The following ALDH1A3 variants were observed in gnomAD, a reference collection of about 807,000 sequenced individuals.
ALDH1A3 encodes the protein aldehyde dehydrogenase 1 family member A3.
In ALDH1A3, 28 loss-of-function variants were observed where a neutral mutation model predicts 57.5. The ratio of observed to expected loss-of-function variants is 0.49; its 90% CI spans 0.36 to 0.67. ALDH1A3 has a LOEUF of 0.67. Among genes scored for constraint, ALDH1A3 ranks in the 30% least tolerant of loss-of-function variants. ALDH1A3 has a pLI of 0.00. For missense variants in ALDH1A3, 507 were observed against 669.4 expected, an observed-to-expected ratio of 0.76 and a Z score of 2.68; for synonymous variants, 281 against 264.8, an observed-to-expected ratio of 1.06 and a Z score of -0.59.
At chr15:100,890,182 C>G (rs191454846) in intron 3 of ALDH1A3, among the ~76,000 whole-genome samples, 1 of 152,200 alleles carries the variant, frequency 6.6e-6, no homozygotes, top group Non-Finnish European at 1.5e-5. Flanking sequence ...TGGGTCCTCT[C>G]GTTGTAAGCC....
At position 100,899,852 on chromosome 15, in the gene ALDH1A3, C is replaced by T. The variant is rs142192933; in HGVS notation, c.884-723C>T. On this transcript the variant is annotated intron_variant, in intron 8 of 12. Transcript: ENST00000329841. ...AATTGGAACGGATCACCTTCCAATG[C>T]CCAGAGCCACTGCCAGCCTCTATGC... Among the ~76,000 whole-genome samples the T allele has an allele frequency of 3.1e-4, 47 of 152,318 alleles. No individual in the cohort carries two copies. The East Asian group carries it at 8.5e-3, about 28-fold the overall frequency.
At chr15:100,898,833 T>A (rs1258079650) in intron 8 of ALDH1A3, among the ~76,000 whole-genome samples, 1 of 152,186 alleles carries the variant, frequency 6.6e-6, no homozygotes, top group African/African-American at 2.4e-5. Context: ...TTGGCTGCCA[T>A]GTCCACAAGA....
chr15:100,899,393 C>T (rs1008375586), intron 8 of ALDH1A3, among the ~76,000 whole-genome samples: 1 of 152,186 alleles, frequency 6.6e-6, no homozygotes, highest in African/African-American at 2.4e-5. Flanking sequence ...TCTTCCTCCT[C>T]TTGGGGAGGA....
chr15:100,886,301 T>TG (rs1385235284), intron 2 of ALDH1A3, among the ~76,000 whole-genome samples: 4 of 152,100 alleles, frequency 2.6e-5, no homozygotes, highest in Non-Finnish European at 4.4e-5. Flanking sequence ...GTGAGGGCAT[T>TG]GGGGGGAAGC....
At position 100,893,141 on chromosome 15, in the gene ALDH1A3, A is replaced by G; in HGVS notation, c.537+135A>G. 5 of 741,258 alleles carry G rather than the reference A, an allele frequency of 6.7e-6. No homozygotes were observed. Among genetic ancestry groups the G allele is most frequent in the Non-Finnish European group, 1.1e-5 (5 of 467,450 alleles). The allele number at this position is 741,258 out of a possible 1,614,324, so 45.9% of individuals were successfully genotyped here. ...ACAAGCATTTTCTTCGTGGCATGGA[A>G]CTCCATGCTTGGGGGCTCTTGAGAT... On this transcript the variant is annotated intron_variant, in intron 5 of 12. Coordinates refer to ENST00000329841, the MANE Select transcript of ALDH1A3 (RefSeq NM_000693.4). The surrounding 1 kb of genome is among the most constrained non-coding windows in gnomAD (Gnocchi z 4.8).
At chr15:100,908,744 T>C (rs2041851736) in intron 12 of ALDH1A3, among the ~76,000 whole-genome samples, 1 of 152,120 alleles carries the variant, frequency 6.6e-6, no homozygotes, top group South Asian at 2.1e-4. Context: ...CTGGGGACAT[T>C]CAGTGGATAT....
At position 100,893,714 on chromosome 15, in the gene ALDH1A3, AG is replaced by A. The variant is rs1269734341; in HGVS notation, c.538-238del. On this transcript the variant is annotated intron_variant, in intron 5 of 12. Transcript: ENST00000329841. The surrounding 1 kb of genome is among the most constrained non-coding windows in gnomAD (Gnocchi z 4.8). ...TCTTCAGCAGATGTTTTAGAGGGAG[AG>A]GTAGAACACATGCAACAGCATCCTC... is the stretch of plus-strand genomic sequence containing the variant. The A allele has an allele frequency of 4.6e-6, 2 of 433,560 alleles. No homozygotes were observed. Among genetic ancestry groups the A allele is most frequent in the African/African-American group, 4.0e-5 (2 of 50,340 alleles). The allele number at this position is 433,560 out of a possible 1,614,324, so 26.9% of individuals were successfully genotyped here. A position where few individuals can be genotyped will look rare whatever the true frequency, so the allele number is the denominator to read the frequency against.
intron 3 of ALDH1A3, chr15:100,891,923 CCGGGCTCTG>C (rs2041653797): frequency 6.5e-6 from 1 of 152,852 alleles, no homozygotes; most frequent in Admixed American, 6.5e-5. Flanking sequence ...ATCCGGCCGG[CCGGGCTCTG>C]CAGTGCAGGA....
At chr15:100,900,846 T>G in intron 9 of ALDH1A3, 87 bp downstream of exon 9, 1 of 1,448,294 alleles carries the variant, frequency 6.9e-7, no homozygotes, top group Non-Finnish European at 9.4e-7. Context: ...AGGGTCCCTC[T>G]CCGTGAAAGG....
intron 9 of ALDH1A3, among the ~76,000 whole-genome samples, 173 bp downstream of exon 9, chr15:100,900,932 G>A (rs2041761406): frequency 6.6e-6 from 1 of 152,140 alleles, no homozygotes; most frequent in Non-Finnish European, 1.5e-5. Context: ...TCAGGTCCCG[G>A]GGGCTCACGA....
chr15:100,885,802 T>A (rs932998265), intron 2 of ALDH1A3, among the ~76,000 whole-genome samples: 39 of 151,880 alleles, frequency 2.6e-4, no homozygotes, highest in African/African-American at 9.0e-4. Flanking sequence ...GGAAAAAAAA[T>A]AGTTGCTACC....
chr15:100,903,245 G>A (rs1170344119), intron 9 of ALDH1A3, among the ~76,000 whole-genome samples: 1 of 149,324 alleles, frequency 6.7e-6, no homozygotes. Context: ...GTTTTCGTGT[G>A]CATGCAAGCA....
intron 11 of ALDH1A3, among the ~76,000 whole-genome samples, chr15:100,907,958 C>G (rs1486704316): frequency 7.0e-6 from 1 of 143,562 alleles, no homozygotes; most frequent in African/African-American, 2.5e-5. Context: ...AAGCAATTCT[C>G]CTGCCTCAGC....
chr15:100,897,924 A>T (rs563007770), intron 7 of ALDH1A3, 159 bp from the exon 8 acceptor site: 2 of 612,058 alleles, frequency 3.3e-6, no homozygotes, highest in African/African-American at 3.7e-5. Context: ...GGCAGAGGCC[A>T]GGACAGTGAA....
chr15:100,885,143 G>A (rs914276728), intron 1 of ALDH1A3, 124 bp from the exon 2 acceptor site: 20 of 689,250 alleles, frequency 2.9e-5, no homozygotes, highest in Non-Finnish European at 5.1e-5. Context: ...ATGTCGAAGG[G>A]GAGAGGGAAG....
intron 1 of ALDH1A3, among the ~76,000 whole-genome samples, chr15:100,884,403 T>C (rs923264499): frequency 6.6e-6 from 1 of 152,242 alleles, no homozygotes; most frequent in African/African-American, 2.4e-5. Context: ...TTCATTCTCA[T>C]CTGCATTCTG....
At chr15:100,891,483 C>A (rs2041649024) in intron 3 of ALDH1A3, among the ~76,000 whole-genome samples, 1 of 152,228 alleles carries the variant, frequency 6.6e-6, no homozygotes, top group Non-Finnish European at 1.5e-5. Flanking sequence ...GAAGTAGATG[C>A]CCCCAATTCA....
In ALDH1A3 at chr15:100,915,433, C is replaced by A. The variant is rs1239694226; in HGVS notation, c.*660C>A. On this transcript the variant is annotated 3_prime_UTR_variant, in exon 13 of 13. Coordinates refer to ENST00000329841, the MANE Select transcript of ALDH1A3 (RefSeq NM_000693.4). ...AGATTCGGCTTCAAACCAATACTGC[C>A]TTTGGAATATGACAGAATCAATAGC... is the stretch of plus-strand genomic sequence containing the variant. 6.6e-6 allele frequency: 1 copy of A among 152,274 alleles called. No homozygotes were observed. Among genetic ancestry groups the A allele is most frequent in the Non-Finnish European group, 1.5e-5 (1 of 68,108 alleles). 9.4% of individuals were successfully genotyped at this position (152,274 alleles called of 1,614,324 possible).
intron 9 of ALDH1A3, among the ~76,000 whole-genome samples, chr15:100,905,290 A>C (rs114048503): frequency 2.0e-5 from 3 of 152,334 alleles, no homozygotes; most frequent in African/African-American, 7.2e-5. Context: ...ATATGTCCCA[A>C]ACCTCCAGAG....
Sources: gnomAD v4.1 joint callset for allele counts (sites outside exome capture counted in the v4.1 genomes callset) on GRCh38, gnomAD v4.1.1 for gene constraint, Gnocchi (gnomAD v3.1) non-coding constraint, MANE v1.5 for transcripts, NCBI Gene and HGNC (gene_info 2026-07-23, HGNC 2026-07-21) for gene names.